The following TSPAN12 variants were observed in gnomAD, a reference collection of about 807,000 sequenced individuals.
The protein encoded by TSPAN12 is tetraspanin-12.
A neutral mutation model predicts 39.2 loss-of-function variants in TSPAN12; 19 were observed. That is an observed-to-expected ratio of 0.49 (90% CI 0.34 to 0.71). The LOEUF (loss-of-function observed/expected upper bound fraction) is 0.71. TSPAN12 is among the 30% of genes least tolerant of loss of function. The pLI is 0.01. For missense variants in TSPAN12, 314 were observed against 359.9 expected, an observed-to-expected ratio of 0.87 and a Z score of 1.03; for synonymous variants, 119 against 124.8, an observed-to-expected ratio of 0.95 and a Z score of 0.31.
intron 4 of TSPAN12, among the ~76,000 whole-genome samples, chr7:120,820,758 G>A (rs1442884303): frequency 6.6e-6 from 1 of 152,040 alleles, no homozygotes; most frequent in African/African-American, 2.4e-5. Flanking sequence ...GGTATTGGGT[G>A]GAATGTCAGT....
chr7:120,853,894 G>GAAAAGAA (rs1554405138), intron 2 of TSPAN12, among the ~76,000 whole-genome samples: 72 of 146,498 alleles, frequency 4.9e-4, no homozygotes, highest in African/African-American at 1.6e-3. Context: ...AAAAAGAAAA[G>GAAAAGAA]AAAAGAAAGT....
chr7:120,817,127 G>GTT (rs1794099513), intron 4 of TSPAN12, among the ~76,000 whole-genome samples: 1 of 151,990 alleles, frequency 6.6e-6, no homozygotes, highest in African/African-American at 2.4e-5. Context: ...TAATCTCAAC[G>GTT]TTTGGGTTTT....
chr7:120,848,618 C>G (rs1047396942), intron 2 of TSPAN12, among the ~76,000 whole-genome samples: 2 of 152,164 alleles, frequency 1.3e-5, no homozygotes, highest in African/African-American at 4.8e-5. Context: ...AAACTTTGCA[C>G]TATACTCTGT....
intron 4 of TSPAN12, among the ~76,000 whole-genome samples, chr7:120,835,382 G>T: frequency 6.6e-6 from 1 of 152,102 alleles, no homozygotes; most frequent in East Asian, 1.9e-4. Flanking sequence ...TTGTCGTCAG[G>T]TTTAAAATGA....
chr7:120,810,338 G>A (rs1416963323), intron 6 of TSPAN12, 125 bp downstream of exon 6: 2 of 707,332 alleles, frequency 2.8e-6, no homozygotes, highest in Non-Finnish European at 5.2e-6. Context: ...TTGCACCAGA[G>A]GTTACTGAAT....
Position 120,808,218 on chromosome 7 carries a change from T to C in TSPAN12, c.469-1526A>G, listed in dbSNP as rs546702470. Among the ~76,000 whole-genome samples the C allele has an allele frequency of 7.4e-4, 113 of 152,304 alleles. 1 individual carries two copies. The highest frequency in any genetic ancestry group is 2.6e-3 in the African/African-American group (107 of 41,594). On this transcript the variant is annotated intron_variant, in intron 6 of 7. Coordinates refer to ENST00000222747, the MANE Select transcript of TSPAN12 (RefSeq NM_012338.4). ...GGCTTTGTCAGGAAATAAGATATTCTACATAAATGACTTTCTCAAATATAA... is the reference window on the plus strand; with the variant it reads ...GGCTTTGTCAGGAAATAAGATATTCCACATAAATGACTTTCTCAAATATAA...
intron 4 of TSPAN12, among the ~76,000 whole-genome samples, chr7:120,825,153 GGTTTTTTTTGT>G: frequency 6.6e-6 from 1 of 152,078 alleles, no homozygotes. Context: ...TTTTACATAA[GGTTTTTTTTGT>G]GTGCAAGCAA....
At chr7:120,810,219 T>C (rs962062946) in intron 6 of TSPAN12, among the ~76,000 whole-genome samples, 4 of 152,212 alleles carry the variant, frequency 2.6e-5, no homozygotes. Context: ...GCAAAATGGC[T>C]TTTCAGATGT....
chr7:120,857,539 T>C (rs1440273914), intron 1 of TSPAN12, among the ~76,000 whole-genome samples: 3 of 151,720 alleles, frequency 2.0e-5, no homozygotes, highest in Non-Finnish European at 2.9e-5. Context: ...TTAGGGCCGA[T>C]GCAGCTGTGC....
At chr7:120,800,647 T>C (rs183179453) in intron 7 of TSPAN12, among the ~76,000 whole-genome samples, 32 of 152,110 alleles carry the variant, frequency 2.1e-4, no homozygotes, top group Non-Finnish European at 3.5e-4. Context: ...TGTTGTATTC[T>C]GAATTGAGCC....
intron 4 of TSPAN12, among the ~76,000 whole-genome samples, chr7:120,826,932 AG>A (rs1198515111): frequency 6.6e-6 from 1 of 152,172 alleles, no homozygotes; most frequent in Non-Finnish European, 1.5e-5. Context: ...CACGTTGGCC[AG>A]GCTGGTCTCG....
chr7:120,794,594 T>C (rs572173800), intron 7 of TSPAN12, among the ~76,000 whole-genome samples: 19 of 152,356 alleles, frequency 1.2e-4, no homozygotes, highest in African/African-American at 4.6e-4. Context: ...CATTATCACT[T>C]GCCTTTCCTG....
intron 4 of TSPAN12, among the ~76,000 whole-genome samples, chr7:120,827,003 G>A (rs1794301135): frequency 6.6e-6 from 1 of 152,132 alleles, no homozygotes; most frequent in Non-Finnish European, 1.5e-5. Context: ...GATTATAGGC[G>A]TGAGCCATTA....
intron 2 of TSPAN12, among the ~76,000 whole-genome samples, chr7:120,854,725 GTA>G: frequency 6.6e-6 from 1 of 152,188 alleles, no homozygotes; most frequent in Non-Finnish European, 1.5e-5. Flanking sequence ...GAATTTACAT[GTA>G]TAGCATTGTG....
chr7:120,843,494 C>T (rs1794616014), intron 2 of TSPAN12, among the ~76,000 whole-genome samples: 1 of 152,186 alleles, frequency 6.6e-6, no homozygotes, highest in Non-Finnish European at 1.5e-5. Context: ...TACACACCTG[C>T]CCTAATCACC....
chr7:120,810,605 C>T, intron 5 of TSPAN12, 35 bp from the exon 6 acceptor site: 1 of 1,042,554 alleles, frequency 9.6e-7, no homozygotes, highest in African/African-American at 1.7e-5. Flanking sequence ...ACAGCTGTAG[C>T]TCACACACAG....
chr7:120,848,780 C>T (rs570846191), intron 2 of TSPAN12, among the ~76,000 whole-genome samples: 5 of 152,286 alleles, frequency 3.3e-5, no homozygotes, highest in Non-Finnish European at 7.4e-5. Flanking sequence ...ATTCCAGCAA[C>T]ATTAAATGTC....
intron 5 of TSPAN12, among the ~76,000 whole-genome samples, chr7:120,812,677 G>A (rs1018160943): frequency 1.3e-5 from 2 of 151,842 alleles, no homozygotes; most frequent in African/African-American, 2.4e-5. Flanking sequence ...TGGGCTAAAC[G>A]GGTGTACTTT....
intron 4 of TSPAN12, among the ~76,000 whole-genome samples, chr7:120,816,542 C>T (rs1467125813): frequency 6.6e-6 from 1 of 152,024 alleles, no homozygotes; most frequent in African/African-American, 2.4e-5. Context: ...GAGTCAGCTG[C>T]AAAGTCAAGC....
Sources: gnomAD v4.1 joint callset for allele counts (sites outside exome capture counted in the v4.1 genomes callset) on GRCh38, gnomAD v4.1.1 for gene constraint, MANE v1.5 for transcripts, NCBI Gene and HGNC (gene_info 2026-07-23, HGNC 2026-07-21) for gene names.